The following PRKG1 variants were observed in gnomAD, a reference collection of about 807,000 sequenced individuals.
The protein encoded by PRKG1 is protein kinase cGMP-dependent 1, also known as cGMP-dependent protein kinase 1.
In PRKG1, 35 loss-of-function variants were observed where a neutral mutation model predicts 88.1. The ratio of observed to expected loss-of-function variants is 0.40; its 90% CI spans 0.30 to 0.53. PRKG1 has a LOEUF of 0.53. Ranked by LOEUF, PRKG1 falls within the 20% of genes least tolerant of loss-of-function variation. The pLI, the probability that PRKG1 is intolerant of heterozygous loss-of-function variation, is 0.59. For synonymous variants in PRKG1, 303 were observed against 292.5 expected (o/e 1.04, Z -0.37); for missense variants, 540 against 839.8 (o/e 0.64, Z 4.41).
chr10:51,873,584 G>A (rs1841213660), intron 4 of PRKG1, among the ~76,000 whole-genome samples: 1 of 147,422 alleles, frequency 6.8e-6, no homozygotes, highest in Non-Finnish European at 1.5e-5. Context: ...CTAGAGTGCA[G>A]TGTCATGATC....
At chr10:51,792,014 A>G (rs1838881693) in intron 3 of PRKG1, among the ~76,000 whole-genome samples, 1 of 152,230 alleles carries the variant, frequency 6.6e-6, no homozygotes, top group East Asian at 1.9e-4. Flanking sequence ...ATTTTGTTTT[A>G]TTTATGGCAG....
At chr10:51,281,098 G>T (rs893723110) in intron 2 of PRKG1, among the ~76,000 whole-genome samples, 1 of 152,206 alleles carries the variant, frequency 6.6e-6, no homozygotes, top group Non-Finnish European at 1.5e-5. Context: ...ACCCTCAGCT[G>T]CAGGTCTGTT....
At chr10:51,292,787 C>T (rs1420392422) in intron 2 of PRKG1, among the ~76,000 whole-genome samples, 1 of 152,146 alleles carries the variant, frequency 6.6e-6, no homozygotes, top group African/African-American at 2.4e-5. Context: ...TATCTATAAA[C>T]ATACACGTTT....
intron 2 of PRKG1, among the ~76,000 whole-genome samples, chr10:51,178,431 G>T (rs1157336393): frequency 2.0e-5 from 3 of 152,078 alleles, no homozygotes; most frequent in Non-Finnish European, 2.9e-5. Context: ...TTGAGCTCAG[G>T]ACTTAGACCA....
At chr10:51,810,889 C>T (rs1839439202) in intron 4 of PRKG1, among the ~76,000 whole-genome samples, 2 of 152,130 alleles carry the variant, frequency 1.3e-5, no homozygotes, top group South Asian at 2.1e-4. Context: ...TTTGTGGTTT[C>T]TGCCTCACCT....
At chr10:52,027,778 T>TTTATTATTA (rs374863850) in intron 5 of PRKG1, among the ~76,000 whole-genome samples, 2 of 151,614 alleles carry the variant, frequency 1.3e-5, no homozygotes, top group Non-Finnish European at 2.9e-5. Context: ...CTGTTCTATC[T>TTTATTATTA]TTATTATTAT....
At chr10:51,418,150 A>G (rs1331280104) in intron 2 of PRKG1, among the ~76,000 whole-genome samples, 2 of 152,194 alleles carry the variant, frequency 1.3e-5, no homozygotes, top group Non-Finnish European at 2.9e-5. Context: ...TTTATTCATG[A>G]TTTATCTGCC....
Sources: gnomAD v4.1 joint callset for allele counts (sites outside exome capture counted in the v4.1 genomes callset) on GRCh38, gnomAD v4.1.1 for gene constraint, MANE v1.5 for transcripts, NCBI Gene and HGNC (gene_info 2026-07-23, HGNC 2026-07-21) for gene names.